Variants in ZEB2 observed in about 807,000 individuals in gnomAD.
The protein encoded by ZEB2 is zinc finger E-box binding homeobox 2, also known as zinc finger E-box-binding homeobox 2.
In ZEB2, 6 loss-of-function variants were observed where a neutral mutation model predicts 99.9. The observed-to-expected ratio is 0.06, with a 90% CI of 0.03 to 0.12. The LOEUF (loss-of-function observed/expected upper bound fraction) is 0.12, where lower values mean the gene tolerates loss of function less well. ZEB2 is among the 10% of genes least tolerant of loss of function. The pLI, the probability that ZEB2 is intolerant of heterozygous loss-of-function variation, is 1.00. For missense variants in ZEB2, 969 were observed against 1,502.8 expected (o/e 0.64, Z 5.87); for synonymous variants, 517 against 542.5 (o/e 0.95, Z 0.65).
intron 9 of ZEB2, among the ~76,000 whole-genome samples, chr2:144,394,701 A>G (rs1202587684): frequency 6.6e-6 from 1 of 152,238 alleles, no homozygotes; most frequent in East Asian, 1.9e-4. Context: ...TTAAGGTATC[A>G]TTAAACTTTT....
chr2:144,415,870 T>A (rs1461969243), intron 4 of ZEB2, among the ~76,000 whole-genome samples: 1 of 152,232 alleles, frequency 6.6e-6, no homozygotes, highest in African/African-American at 2.4e-5. Flanking sequence ...GTCATCCATT[T>A]TCACCGTCAT....
chr2:144,443,055 G>A (rs1168776533), intron 2 of ZEB2, among the ~76,000 whole-genome samples: 2 of 152,030 alleles, frequency 1.3e-5, no homozygotes, highest in Non-Finnish European at 2.9e-5. Flanking sequence ...ATTTTTCAAG[G>A]CCTGTGTTTT....
At chr2:144,486,418 CATAAA>C (rs1704598825) in intron 2 of ZEB2, among the ~76,000 whole-genome samples, 1 of 150,060 alleles carries the variant, frequency 6.7e-6, no homozygotes, top group African/African-American at 2.5e-5. Context: ...ACTGTATTTT[CATAAA>C]ATAAAAGAAT....
intron 2 of ZEB2, among the ~76,000 whole-genome samples, chr2:144,433,134 C>T (rs1281195797): frequency 3.9e-5 from 6 of 152,122 alleles, no homozygotes; most frequent in Non-Finnish European, 8.8e-5. Flanking sequence ...CAAAGAATTC[C>T]TTTCTGCAAT....
At chr2:144,436,899 C>A (rs1703846786) in intron 2 of ZEB2, among the ~76,000 whole-genome samples, 1 of 152,120 alleles carries the variant, frequency 6.6e-6, no homozygotes, top group Non-Finnish European at 1.5e-5. Context: ...CACGGTATTT[C>A]TAGGTCACAG....
chr2:144,390,003 A>G lies in ZEB2; in HGVS notation c.3093T>C (p.Ile1031=), dbSNP rs1277309042. The change falls in exon 10 of 10, where the codon ATT becomes ATC. Residue 1031 remains isoleucine, a synonymous_variant. Coordinates refer to ENST00000627532, the MANE Select transcript of ZEB2 (RefSeq NM_014795.4). ...GCTTGTGTTTAAACGCTTTCTTACA[A>G]ATCTGACACTGATGTGGTCTTTTTC... ...HTGKRPHQCQ[I]CKKAFKHKHH... The G allele has an allele frequency of 6.2e-7, 1 of 1,601,288 alleles. No homozygotes were observed. The highest frequency in any genetic ancestry group is 1.3e-5 in the African/African-American group (1 of 74,898).
At chr2:144,517,203 C>G in intron 2 of ZEB2, 75 bp downstream of exon 2, 1 of 1,594,524 alleles carries the variant, frequency 6.3e-7, no homozygotes, top group South Asian at 1.1e-5. Flanking sequence ...GGTTCCTTTT[C>G]CCTTTCCCCC....
chr2:144,513,009 G>A, intron 2 of ZEB2: 1 of 1,287,202 alleles, frequency 7.8e-7, no homozygotes, highest in Non-Finnish European at 1.0e-6. Flanking sequence ...AACCAAGTCT[G>A]GACTGACAGT....
chr2:144,498,001 TATATA>T (rs1213739309), intron 2 of ZEB2, among the ~76,000 whole-genome samples: 2 of 2,056 alleles, frequency 9.7e-4, no homozygotes, highest in Non-Finnish European at 2.1e-3. Flanking sequence ...TATTATATAT[TATATA>T]ATATATTAAT....
rs1268862604 is a variant in ZEB2 at position 144,404,259 on chromosome 2, T to G, written c.593-129A>C. On this transcript the variant is annotated intron_variant, in intron 5 of 9. Coordinates refer to ENST00000627532, the MANE Select transcript of ZEB2 (RefSeq NM_014795.4). ...AATCTGCTCCACAGAGTGCCATCAT[T>G]GCACCCGGCCCCCTCGCACACCAGT... The G allele has an allele frequency of 1.7e-5, 18 of 1,048,770 alleles. No individual in the cohort carries two copies. The Admixed American group carries it at 1.8e-4, about 10-fold the overall frequency. The allele number at this position is 1,048,770 out of a possible 1,614,324, so 65.0% of individuals were successfully genotyped here.
rs1703261429 is a variant in ZEB2 at position 144,398,544 on chromosome 2, G to A, written c.2643C>T (p.Asn881=). ...NSNNLDNKST[N]PVFSMNPFSA... ...TAAATGGGTTCATGCTGAACACTGG[G>A]TTAGTGCTTTTGTTGTCCAGATTAT... Residue 881 remains asparagine (N), a synonymous_variant, in exon 8 of 10, where the codon AAC becomes AAT. Coordinates refer to ENST00000627532, the MANE Select transcript of ZEB2 (RefSeq NM_014795.4). 1 of 1,614,144 alleles carries A rather than the reference G, an allele frequency of 6.2e-7. No homozygotes were observed. The highest frequency in any genetic ancestry group is 8.5e-7 in the Non-Finnish European group (1 of 1,180,008).
intron 2 of ZEB2, among the ~76,000 whole-genome samples, chr2:144,486,520 T>G (rs989247854): frequency 6.6e-6 from 1 of 152,182 alleles, no homozygotes; most frequent in African/African-American, 2.4e-5. Flanking sequence ...ACCTTGATCA[T>G]GGTTTTGATT....
chr2:144,410,967 T>C (rs1017714307), intron 4 of ZEB2, among the ~76,000 whole-genome samples: 7 of 149,124 alleles, frequency 4.7e-5, no homozygotes, highest in African/African-American at 1.7e-4. Flanking sequence ...AATGAGGACA[T>C]GAGTGGTAAA....
chr2:144,490,340 A>C (rs779769880), intron 2 of ZEB2, among the ~76,000 whole-genome samples: 1 of 152,182 alleles, frequency 6.6e-6, no homozygotes, highest in Non-Finnish European at 1.5e-5. Context: ...AATAAATGGG[A>C]GCTGTACTAT....
At chr2:144,493,169 G>C (rs1489280223) in intron 2 of ZEB2, among the ~76,000 whole-genome samples, 2 of 151,466 alleles carry the variant, frequency 1.3e-5, no homozygotes, top group African/African-American at 4.9e-5. Flanking sequence ...AAAAAAAAAA[G>C]GAACGAATAT....
intron 2 of ZEB2, among the ~76,000 whole-genome samples, chr2:144,477,822 T>C (rs1441551177): frequency 6.6e-6 from 1 of 152,216 alleles, no homozygotes; most frequent in East Asian, 1.9e-4. Flanking sequence ...AAGCCTTTGC[T>C]GATGGAGATG....
chr2:144,497,981 A>AATATATATTAATAATATATATTATATAAT (rs35863778), intron 2 of ZEB2, among the ~76,000 whole-genome samples: 5 of 6,048 alleles, frequency 8.3e-4, no homozygotes, highest in African/African-American at 4.9e-3. Context: ...TATATTATAT[A>AATATATATTAATAATATATATTATATAAT]ATATATTAAT....
In ZEB2 at chr2:144,423,864, T is replaced by C. The variant is rs552709031; in HGVS notation, c.403+932A>G. Among the ~76,000 whole-genome samples the C allele has an allele frequency of 2.6e-5, 4 of 152,330 alleles. No homozygotes were observed. The South Asian group carries it at 8.3e-4, about 32-fold the overall frequency. ...TAAAATCATCTTAGTTTTTTACATT[T>C]CATAAAACTTCAAGTTATTTTTCAT... On this transcript the variant is annotated intron_variant, in intron 4 of 9. Coordinates refer to ENST00000627532, the MANE Select transcript of ZEB2 (RefSeq NM_014795.4).
At chr2:144,425,329 T>C (rs1573740142) in intron 3 of ZEB2, among the ~76,000 whole-genome samples, 2 of 152,218 alleles carry the variant, frequency 1.3e-5, no homozygotes, top group South Asian at 2.1e-4. Context: ...TGCTAATCTA[T>C]GCAAGCATAC....
Sources: allele counts gnomAD v4.1 joint callset (sites outside exome capture counted in the v4.1 genomes callset), GRCh38; gene constraint gnomAD v4.1.1; transcripts MANE v1.5; gene names NCBI Gene and HGNC (gene_info 2026-07-23, HGNC 2026-07-21).